Variants in CELF4 observed in about 807,000 individuals in gnomAD.
The protein encoded by CELF4 is CUGBP Elav-like family member 4.
Under a neutral mutation model 59.9 loss-of-function variants are expected in CELF4, and 18 were observed. That is an observed-to-expected ratio of 0.30 (90% CI 0.21 to 0.45). The LOEUF is 0.45. CELF4 is among the 20% of genes least tolerant of loss of function. The pLI, the probability that CELF4 is intolerant of heterozygous loss-of-function variation, is 1.00. For synonymous variants in CELF4, 261 were observed against 267.1 expected, an observed-to-expected ratio of 0.98 and a Z score of 0.22; for missense variants, 456 against 689.0, an observed-to-expected ratio of 0.66 and a Z score of 3.79.
intron 2 of CELF4, among the ~76,000 whole-genome samples, chr18:37,341,445 G>A (rs1041386438): frequency 6.6e-6 from 1 of 152,230 alleles, no homozygotes; most frequent in Non-Finnish European, 1.5e-5. Flanking sequence ...CACCTTACAT[G>A]AGGAGGGTTA....
At chr18:37,419,709 C>CCGGTA (rs1248083206) in intron 2 of CELF4, among the ~76,000 whole-genome samples, 8 of 152,154 alleles carry the variant, frequency 5.3e-5, no homozygotes, top group African/African-American at 9.7e-5. Context: ...GGGACGCCCT[C>CCGGTA]CGGTACCCAA....
rs1299199968 is a variant in CELF4, at chr18:37,289,171, G to A, written c.449-13928C>T. On this transcript the variant is annotated intron_variant, in intron 3 of 12. Coordinates refer to ENST00000420428, the MANE Select transcript of CELF4 (RefSeq NM_020180.4). ...AGACCATGATGGGGGATCGTGGGGT[G>A]AGAAGGGATGGGGGCTGGCAGAGGG... 2.0e-5 allele frequency among the ~76,000 whole-genome samples: 3 copies of A among 152,090 alleles called. No homozygotes were observed. In the East Asian group the frequency reaches 5.8e-4, roughly 29 times the overall value.
At chr18:37,286,731 A>G (rs2094817878) in intron 3 of CELF4, among the ~76,000 whole-genome samples, 1 of 152,154 alleles carries the variant, frequency 6.6e-6, no homozygotes, top group Admixed American at 6.5e-5. Flanking sequence ...ATGAAGAGAG[A>G]CTGATCTGGC....
At chr18:37,345,664 G>A (rs921867265) in intron 2 of CELF4, among the ~76,000 whole-genome samples, 4 of 152,112 alleles carry the variant, frequency 2.6e-5, no homozygotes, top group African/African-American at 9.7e-5. Context: ...GGGAGGCTCT[G>A]GGGGAGGAAG....
At chr18:37,500,559 A>T in intron 1 of CELF4, among the ~76,000 whole-genome samples, 2 of 140,066 alleles carry the variant, frequency 1.4e-5, no homozygotes, top group African/African-American at 2.6e-5. Flanking sequence ...TTTGAGACAG[A>T]GTCTCACTTT....
At chr18:37,273,760 G>A (rs2092380464) in intron 6 of CELF4, 3 of 988,784 alleles carry the variant, frequency 3.0e-6, no homozygotes, top group East Asian at 1.1e-4. Flanking sequence ...CATGGGAGCT[G>A]TGGTTACCAG....
intron 1 of CELF4, among the ~76,000 whole-genome samples, chr18:37,493,950 C>T (rs2099921897): frequency 6.6e-6 from 1 of 152,130 alleles, no homozygotes; most frequent in Admixed American, 6.5e-5. Context: ...CTCTTTCTGC[C>T]CTTTGTACCC....
At chr18:37,272,811 G>C (rs1001961923) in intron 7 of CELF4, among the ~76,000 whole-genome samples, 1 of 152,222 alleles carries the variant, frequency 6.6e-6, no homozygotes, top group African/African-American at 2.4e-5. Flanking sequence ...ACGGTAGACT[G>C]CATGGGTCCC....
At position 37,253,527 on chromosome 18, in the gene CELF4, G is replaced by A. The variant is rs920375925; in HGVS notation, c.*44+240C>T. Among the ~76,000 whole-genome samples, 8 of 152,242 alleles carry A rather than the reference G, an allele frequency of 5.3e-5. No individual in the cohort carries two copies. Among genetic ancestry groups the A allele is most frequent in the South Asian group, 2.1e-4 (1 of 4,838 alleles). On this transcript the variant is annotated intron_variant, in intron 12 of 12. Coordinates refer to ENST00000420428, the MANE Select transcript of CELF4 (RefSeq NM_020180.4). This position sits in a 1 kb window ranked among gnomAD's most constrained non-coding sequence, Gnocchi z 4.5. ...GCCCAGGGCTCGCCTCACCCGCCCG[G>A]AGTGGCTCCCTCACTCCTGCCCCTG...
intron 9 of CELF4, 22 bp downstream of exon 9, chr18:37,266,511 G>T (rs753958756): frequency 6.3e-7 from 1 of 1,579,278 alleles, no homozygotes; most frequent in Admixed American, 1.9e-5. Context: ...GGAAGGAGCC[G>T]TGGGGACGCG....
At chr18:37,267,889 T>A (rs896820733) in intron 8 of CELF4, among the ~76,000 whole-genome samples, 3 of 151,868 alleles carry the variant, frequency 2.0e-5, no homozygotes, top group African/African-American at 7.3e-5. Flanking sequence ...TACAAAAAAA[T>A]TAGTGGGCAT....
At chr18:37,251,838 G>A (rs2065714037) in intron 12 of CELF4, among the ~76,000 whole-genome samples, 1 of 152,192 alleles carries the variant, frequency 6.6e-6, no homozygotes, top group Non-Finnish European at 1.5e-5. Flanking sequence ...CCCACACTGG[G>A]CCCAGTGCCT....
chr18:37,440,649 A>G (rs906281391), intron 2 of CELF4, among the ~76,000 whole-genome samples: 2 of 152,168 alleles, frequency 1.3e-5, no homozygotes, highest in African/African-American at 2.4e-5. Flanking sequence ...TTAAAATACA[A>G]CTAACTGTAT....
intron 2 of CELF4, among the ~76,000 whole-genome samples, chr18:37,463,865 C>T (rs928472109): frequency 6.6e-6 from 1 of 152,126 alleles, no homozygotes; most frequent in Non-Finnish European, 1.5e-5. Flanking sequence ...CTGAGTGTGA[C>T]ATTTTACAGT....
At chr18:37,296,616 G>A (rs1007627159) in intron 3 of CELF4, among the ~76,000 whole-genome samples, 3 of 152,158 alleles carry the variant, frequency 2.0e-5, no homozygotes, top group East Asian at 1.9e-4. Context: ...ATGCAACTCC[G>A]GCCTTGTCCT....
chr18:37,561,382 G>A (rs945249247), intron 1 of CELF4, among the ~76,000 whole-genome samples: 1 of 152,096 alleles, frequency 6.6e-6, no homozygotes, highest in African/African-American at 2.4e-5. Flanking sequence ...AAACCTTTGG[G>A]GACAGCCTTA....
chr18:37,304,938 G>T (rs1268619748), intron 3 of CELF4, among the ~76,000 whole-genome samples: 1 of 152,174 alleles, frequency 6.6e-6, no homozygotes, highest in African/African-American at 2.4e-5. Flanking sequence ...GTCCCAATTG[G>T]CCTCCACAGG....
intron 2 of CELF4, among the ~76,000 whole-genome samples, chr18:37,401,073 T>C (rs990408136): frequency 6.6e-6 from 1 of 152,212 alleles, no homozygotes; most frequent in African/African-American, 2.4e-5. Flanking sequence ...TGCTGGGCTC[T>C]ACTGGTTCCC....
At chr18:37,259,047 G>A (rs1362894140) in intron 11 of CELF4, 134 bp downstream of exon 11, 1 of 1,426,136 alleles carries the variant, frequency 7.0e-7, no homozygotes, top group Non-Finnish European at 9.6e-7. Flanking sequence ...GTTAAAAGCA[G>A]TCGGACACCG....
Sources: gnomAD v4.1 joint callset for allele counts (sites outside exome capture counted in the v4.1 genomes callset) on GRCh38, gnomAD v4.1.1 for gene constraint, Gnocchi (gnomAD v3.1) non-coding constraint, MANE v1.5 for transcripts, NCBI Gene and HGNC (gene_info 2026-07-23, HGNC 2026-07-21) for gene names.